The following DENND4B variants were observed in gnomAD, a reference collection of about 807,000 sequenced individuals.
DENND4B encodes the protein DENN domain containing 4B, also known as DENN domain-containing protein 4B.
In DENND4B, 67 loss-of-function variants were observed where a neutral mutation model predicts 161.0. The ratio of observed to expected loss-of-function variants is 0.42; its 90% confidence interval spans 0.34 to 0.51. DENND4B has a LOEUF of 0.51. Among genes scored for constraint, DENND4B ranks in the 20% least tolerant of loss-of-function variants. The pLI is 0.08. For synonymous variants in DENND4B, 753 were observed against 813.8 expected, an observed-to-expected ratio of 0.93 and a Z score of 1.27; for missense variants, 1,481 against 1,968.0, an observed-to-expected ratio of 0.75 and a Z score of 4.68.
At chr1:153,931,272 C>T (rs977528767) in intron 24 of DENND4B, among the ~76,000 whole-genome samples, 13 of 152,124 alleles carry the variant, frequency 8.5e-5, no homozygotes, top group Non-Finnish European at 1.9e-4. Context: ...TGCCTAAAAC[C>T]GTGCCTGGAA....
Position 153,933,927 on chromosome 1 carries a change from C to T in DENND4B, c.2942-56G>A. ...GACCCCAGCCTCTGCACCAACTTCC[C>T]CTTTCCTGAATAAACACAATTCCTG... is the stretch of plus-strand genomic sequence containing the variant. On this transcript the variant is annotated intron_variant, in intron 19 of 27. Transcript: ENST00000361217. The surrounding 1 kb of genome is among the most constrained non-coding windows in gnomAD (Gnocchi z 5.7). 8 of 1,579,546 alleles carry T rather than the reference C, an allele frequency of 5.1e-6. No homozygotes were observed. In the South Asian group the frequency reaches 9.4e-5, roughly 19 times the overall value.
Position 153,936,007 on chromosome 1 carries a change from C to A in DENND4B, c.2568+53G>T. 1 of 1,603,726 alleles carries A rather than the reference C, an allele frequency of 6.2e-7. No individual in the cohort carries two copies. The highest frequency in any genetic ancestry group is 8.5e-7 in the Non-Finnish European group (1 of 1,174,514). On this transcript the variant is annotated intron_variant, in intron 17 of 27. Transcript: ENST00000361217. This position sits in a 1 kb window ranked among gnomAD's most constrained non-coding sequence, Gnocchi z 4.1. The stretch of plus-strand genomic sequence containing the variant: ...AGCGAGGGGAGCAGCAGCAGCCTCC[C>A]CTCACACACCCTGGCACAGCTGCCA...
At chr1:153,941,775 G>GGGGGGGGCCCC in intron 6 of DENND4B, 94 bp downstream of exon 6, 1 of 1,338,172 alleles carries the variant, frequency 7.5e-7, no homozygotes, top group South Asian at 1.3e-5. Flanking sequence ...CCTGTGCCCA[G>GGGGGGGGCCCC]CCCTCCCCCC....
In DENND4B at chr1:153,942,428, G is replaced by C; in HGVS notation, c.641-72C>G. 2 of 1,580,492 alleles carry C rather than the reference G, an allele frequency of 1.3e-6. No individual in the cohort carries two copies. Among genetic ancestry groups the C allele is most frequent in the Non-Finnish European group, 1.7e-6 (2 of 1,163,016 alleles). On this transcript the variant is annotated intron_variant, in intron 4 of 27. Coordinates refer to ENST00000361217, the MANE Select transcript of DENND4B (RefSeq NM_014856.3). This position sits in a 1 kb window ranked among gnomAD's most constrained non-coding sequence, Gnocchi z 6.9. ...TCAGACTCCAAGGGAAATGAACCAA[G>C]GGATCCCAGAGAAGGCCCGAGTAGC... is the stretch of plus-strand genomic sequence containing the variant.
chr1:153,934,955 C>T lies in DENND4B; in HGVS notation c.2578G>A (p.Glu860Lys). The T allele has an allele frequency of 6.2e-7, 1 of 1,611,386 alleles. No homozygotes were observed. Among genetic ancestry groups the T allele is most frequent in the Non-Finnish European group, 8.5e-7 (1 of 1,179,868 alleles). The change falls in exon 18 of 28, where the codon GAA (glutamate) becomes AAA (lysine). Residue 860 changes from glutamate to lysine, a missense_variant. Physicochemically the swap from Glu to Lys is moderately conservative, Grantham distance 56. Transcript: ENST00000361217. This position sits in a 1 kb window ranked among gnomAD's most constrained non-coding sequence, Gnocchi z 5.3. The stretch of plus-strand genomic sequence containing the variant: ...GGTGTGCCAGACGGCCACTTGCTTT[C>T]CAACACAGCCTACCAAGCACAGTGC... ...TYGYYNKAVLESKWPSGTPGG... is the reference protein window; with the variant it reads ...TYGYYNKAVLKSKWPSGTPGG...
chr1:153,934,631 A>G lies in DENND4B; in HGVS notation c.2773+129T>C, dbSNP rs1679211343. 2 of 1,436,886 alleles carry G rather than the reference A, an allele frequency of 1.4e-6. No individual in the cohort carries two copies. The allele number at this position is 1,436,886 out of a possible 1,614,324, so 89.0% of individuals were successfully genotyped here. A position where few individuals can be genotyped will look rare whatever the true frequency, so the allele number is the denominator to read the frequency against. Reference sequence around the variant, plus strand: ...TAATTTTTTTATCCCTTTTGTTACCAGTCAAGTGTAATTTATCAATCCCCA... The same window carrying G: ...TAATTTTTTTATCCCTTTTGTTACCGGTCAAGTGTAATTTATCAATCCCCA... On this transcript the variant is annotated intron_variant, in intron 18 of 27. Coordinates refer to ENST00000361217, the MANE Select transcript of DENND4B (RefSeq NM_014856.3). The surrounding 1 kb of genome is among the most constrained non-coding windows in gnomAD (Gnocchi z 5.3).
In DENND4B at chr1:153,930,966, A is replaced by G. The variant is rs965116249; in HGVS notation, c.4095T>C (p.Tyr1365=). 5.6e-6 allele frequency: 9 copies of G among 1,609,058 alleles called. No homozygotes were observed. The highest frequency in any genetic ancestry group is 7.6e-6 in the Non-Finnish European group (9 of 1,178,078). Residue 1365 remains tyrosine, a synonymous_variant, in exon 25 of 28, where the codon TAT becomes TAC. Transcript: ENST00000361217. This position sits in a 1 kb window ranked among gnomAD's most constrained non-coding sequence, Gnocchi z 4.7. ...TPDPNSCPPL[Y]VLWRVHSQIP... ...ACTCACTGTGGACCCTCCAGAGCAC[A>G]TAGAGAGGTGGGCAGCTATTGGGGT...
chr1:153,944,017 T>C lies in DENND4B; in HGVS notation c.317+41A>G. The C allele has an allele frequency of 6.6e-7, 1 of 1,508,758 alleles. No homozygotes were observed. Among genetic ancestry groups the C allele is most frequent in the Non-Finnish European group, 8.9e-7 (1 of 1,127,348 alleles). The allele number at this position is 1,508,758 out of a possible 1,614,324, so 93.5% of individuals were successfully genotyped here. The stretch of plus-strand genomic sequence containing the variant: ...CCTCTCCCTGTCTCACTGGAGTCCC[T>C]CCCAGCCTCCCCTGGTGCCAGCATG... On this transcript the variant is annotated intron_variant, in intron 2 of 27. Transcript: ENST00000361217. The surrounding 1 kb of genome is among the most constrained non-coding windows in gnomAD (Gnocchi z 4.8).
Position 153,942,781 on chromosome 1 carries a change from G to A in DENND4B, c.570+97C>T, listed in dbSNP as rs1679749669. 1.3e-6 allele frequency: 2 copies of A among 1,497,818 alleles called. No individual in the cohort carries two copies. Among genetic ancestry groups the A allele is most frequent in the Admixed American group, 4.6e-5 (2 of 43,106 alleles). The allele number at this position is 1,497,818 out of a possible 1,614,324, so 92.8% of individuals were successfully genotyped here. On this transcript the variant is annotated intron_variant, in intron 3 of 27. Coordinates refer to ENST00000361217, the MANE Select transcript of DENND4B (RefSeq NM_014856.3). The surrounding 1 kb of genome is among the most constrained non-coding windows in gnomAD (Gnocchi z 6.9). ...GAGTTACCCCTCTGGACTCACCCCT[G>A]TGGTCAGAGCCTTGGTCCTGGGATG...
chr1:153,935,843 G>A (rs1239439610), intron 17 of DENND4B: 4 of 547,598 alleles, frequency 7.3e-6, no homozygotes, highest in Non-Finnish European at 9.8e-6. Context: ...GACACTATTA[G>A]TTGTAGGCAG....
chr1:153,934,602 C>A lies in DENND4B; in HGVS notation c.2773+158G>T. The stretch of plus-strand genomic sequence containing the variant: ...GACTACAGGTGCGCGCCACCACGCC[C>A]AGCTAATTTTTTTATCCCTTTTGTT... On this transcript the variant is annotated intron_variant, in intron 18 of 27. Transcript: ENST00000361217. The surrounding 1 kb of genome is among the most constrained non-coding windows in gnomAD (Gnocchi z 5.3). The A allele has an allele frequency of 7.5e-7, 1 of 1,326,388 alleles. No individual in the cohort carries two copies. The highest frequency in any genetic ancestry group is 1.0e-6 in the Non-Finnish European group (1 of 988,850). The allele number at this position is 1,326,388 out of a possible 1,614,324, so 82.2% of individuals were successfully genotyped here.
rs1475216555 is a variant in DENND4B, at chr1:153,933,191, C to T, written c.3453+6G>A. 2.5e-6 allele frequency: 4 copies of T among 1,612,890 alleles called. No homozygotes were observed. Among genetic ancestry groups the T allele is most frequent in the Non-Finnish European group, 3.4e-6 (4 of 1,179,456 alleles). On this transcript the variant is annotated splice_donor_region_variant and intron_variant, in intron 21 of 27. Coordinates refer to ENST00000361217, the MANE Select transcript of DENND4B (RefSeq NM_014856.3). The surrounding 1 kb of genome is among the most constrained non-coding windows in gnomAD (Gnocchi z 5.7). Reference sequence around the variant, plus strand: ...AGCACATCTGTGTGGGAGGGGTTATCCTCACTTCCAGGGAAGGTGACTGGA... The same window carrying T: ...AGCACATCTGTGTGGGAGGGGTTATTCTCACTTCCAGGGAAGGTGACTGGA...
At position 153,944,818 on chromosome 1, in the gene DENND4B, A is replaced by G. The variant is rs529648671; in HGVS notation, c.-23-421T>C. The stretch of plus-strand genomic sequence containing the variant: ...CAAGGGTTTCTGACCTTCCTACTCT[A>G]GTTATGACACCATAAGAACCTTGTG... On this transcript the variant is annotated intron_variant, in intron 1 of 27. Transcript: ENST00000361217. The surrounding 1 kb of genome is among the most constrained non-coding windows in gnomAD (Gnocchi z 4.8). Among the ~76,000 whole-genome samples, 3 of 152,252 alleles carry G rather than the reference A, an allele frequency of 2.0e-5. No individual in the cohort carries two copies. The South Asian group carries it at 6.2e-4, about 32-fold the overall frequency.
In DENND4B at chr1:153,930,810, G is replaced by T. The variant is rs1027883236; in HGVS notation, c.4162C>A (p.Leu1388Ile). Residue 1388 changes from leucine (L) to isoleucine (I), a missense_variant, in exon 26 of 28, where the codon CTT (leucine) becomes ATT (isoleucine). Physicochemically the swap from Leu to Ile is conservative, Grantham distance 5. Transcript: ENST00000361217. This position sits in a 1 kb window ranked among gnomAD's most constrained non-coding sequence, Gnocchi z 4.7. Reference protein sequence around the residue: ...VVWPGPVPASLSLALLESVLR... With the variant: ...VVWPGPVPASISLALLESVLR... The stretch of plus-strand genomic sequence containing the variant: ...ACTGACTCCAACAGTGCCAAACTAA[G>T]GGATGCAGGTACAGGGCCTGGCCAT... 6 of 1,605,806 alleles carry T rather than the reference G, an allele frequency of 3.7e-6. No homozygotes were observed. The highest frequency in any genetic ancestry group is 5.1e-6 in the Non-Finnish European group (6 of 1,176,220).
At position 153,938,887 on chromosome 1, in the gene DENND4B, G is replaced by T; in HGVS notation, c.1965+13C>A. 1 of 1,573,338 alleles carries T rather than the reference G, an allele frequency of 6.4e-7. No individual in the cohort carries two copies. The highest frequency in any genetic ancestry group is 8.6e-7 in the Non-Finnish European group (1 of 1,159,286). ...CAGCAGAGGCCAATGAGCACATAGA[G>T]AAGGGATGATACCTTTTCAACACAA... is the stretch of plus-strand genomic sequence containing the variant. On this transcript the variant is annotated intron_variant, in intron 13 of 27. Transcript: ENST00000361217.
intron 1 of DENND4B, chr1:153,945,152 C>A: frequency 1.6e-6 from 2 of 1,289,558 alleles, no homozygotes; most frequent in Non-Finnish European, 2.0e-6. Flanking sequence ...CATGGCCCAA[C>A]CCCGGGGAGT....
chr1:153,944,041 T>C lies in DENND4B; in HGVS notation c.317+17A>G. ...CTCCCAGCCTCCCCTGGTGCCAGCA[T>C]GGGTAGGGGCACACACCCCAGCTCA... On this transcript the variant is annotated intron_variant, in intron 2 of 27. Transcript: ENST00000361217. The surrounding 1 kb of genome is among the most constrained non-coding windows in gnomAD (Gnocchi z 4.8). 1.3e-6 allele frequency: 2 copies of C among 1,521,568 alleles called. No individual in the cohort carries two copies. Among genetic ancestry groups the C allele is most frequent in the Admixed American group, 2.1e-5 (1 of 47,312 alleles). The allele number at this position is 1,521,568 out of a possible 1,614,324, so 94.3% of individuals were successfully genotyped here. A position where few individuals can be genotyped will look rare whatever the true frequency, so the allele number is the denominator to read the frequency against.
rs1679597655 is a variant in DENND4B, at chr1:153,940,369, C to CCA, written c.1502+60_1502+61dup. On this transcript the variant is annotated intron_variant, in intron 10 of 27. Coordinates refer to ENST00000361217, the MANE Select transcript of DENND4B (RefSeq NM_014856.3). This position sits in a 1 kb window ranked among gnomAD's most constrained non-coding sequence, Gnocchi z 5.6. Reference sequence around the variant, plus strand: ...AAGCTCTTTTTGAGCCCGTAGCACTCCACACACTAGCCCATTCCTGCCCAC... The same window carrying CCA: ...AAGCTCTTTTTGAGCCCGTAGCACTCCACACACACTAGCCCATTCCTGCCCAC... 2 of 1,585,534 alleles carry CCA rather than the reference C, an allele frequency of 1.3e-6. No individual in the cohort carries two copies. Among genetic ancestry groups the CCA allele is most frequent in the African/African-American group, 2.7e-5 (2 of 74,512 alleles).
rs774912794 is a variant in DENND4B, at chr1:153,940,177, G to C, written c.1582C>G (p.Leu528Val). 4 of 1,589,090 alleles carry C rather than the reference G, an allele frequency of 2.5e-6. No individual in the cohort carries two copies. In the South Asian group the frequency reaches 4.6e-5, roughly 18 times the overall value. ...TCACTCTGGTCCAGCTGCTGGTACA[G>C]GTTTGTCAGTGTGGCCAGCAGAACC... ...YKVLLATLTN[L>V]YQQLDQTYTG... The change falls in exon 11 of 28, where the codon CTG (leucine) becomes GTG (valine). Residue 528 changes from leucine (L) to valine (V), a missense_variant. Leu to Val is a conservative substitution (Grantham distance 32). Coordinates refer to ENST00000361217, the MANE Select transcript of DENND4B (RefSeq NM_014856.3). This position sits in a 1 kb window ranked among gnomAD's most constrained non-coding sequence, Gnocchi z 5.6.
Sources: gnomAD v4.1 joint callset for allele counts (sites outside exome capture counted in the v4.1 genomes callset) on GRCh38, gnomAD v4.1.1 for gene constraint, Gnocchi (gnomAD v3.1) non-coding constraint, MANE v1.5 for transcripts, NCBI Gene and HGNC (gene_info 2026-07-23, HGNC 2026-07-21) for gene names.